TMEM256: variants seen among roughly 807,000 people sequenced by gnomAD.
TMEM256 encodes UPF0451 protein C17orf61.
TMEM256 carries 14 observed loss-of-function variants against 14.8 expected under a neutral mutation model. The ratio of observed to expected loss-of-function variants is 0.95; its 90% CI spans 0.63 to 1.48. The LOEUF is 1.48. Among genes scored for constraint, TMEM256 ranks in the 40% most tolerant of loss-of-function variants. TMEM256 has a pLI of 0.00. For missense variants in TMEM256, 146 were observed against 137.9 expected (o/e 1.06, Z -0.30); for synonymous variants, 68 against 60.7 (o/e 1.12, Z -0.56).
At chr17:7,403,793 C>CCG (rs1906454768) in intron 1 of TMEM256, 104 bp from the exon 2 acceptor site, 7 of 1,061,330 alleles carry the variant, frequency 6.6e-6, no homozygotes, top group Non-Finnish European at 9.1e-6. Context: ...CACCCCCCCC[C>CCG]CCGCCCCAGG....
At position 7,403,648 on chromosome 17, in the gene TMEM256, G is replaced by T. The variant is rs778400776; in HGVS notation, c.117+10C>A. 2 of 1,613,822 alleles carry T rather than the reference G, an allele frequency of 1.2e-6. No homozygotes were observed. The highest frequency in any genetic ancestry group is 2.2e-5 in the South Asian group (2 of 91,080). ...CCACGAGTCAGGGAGCCCCAGCGCA[G>T]TTACTTCACCTCCTTCCCGTAGGCA... On this transcript the variant is annotated intron_variant, in intron 2 of 3. Transcript: ENST00000302422.
In TMEM256 at chr17:7,403,995, CT is replaced by C. The variant is rs1294317617; in HGVS notation, c.85+4del. ...CAGTCCCATCTTCGTCCCCAGCCCC[CT>C]GACCGTGCGCCCCGTAGGAAGCGAA... On this transcript the variant is annotated splice_donor_region_variant and intron_variant, in intron 1 of 3. Coordinates refer to ENST00000302422, the MANE Select transcript of TMEM256 (RefSeq NM_152766.5). 1 of 1,585,410 alleles carries C rather than the reference CT, an allele frequency of 6.3e-7. No individual in the cohort carries two copies. The highest frequency in any genetic ancestry group is 8.6e-7 in the Non-Finnish European group (1 of 1,165,234).
Position 7,404,075 on chromosome 17 carries a change from G to T in TMEM256, c.10C>A (p.Pro4Thr), listed in dbSNP as rs988310853. MAG[P>T]AAAFRRLGAL... ...CCCAAGCGGCGGAAAGCTGCAGCTG[G>T]CCCGGCCATAGCTGTAGAACAGGAC... is the stretch of plus-strand genomic sequence containing the variant. The change falls in exon 1 of 4, where the codon CCA becomes ACA. Residue 4 changes from proline (P) to threonine (T), a missense_variant. Pro to Thr is a conservative substitution (Grantham distance 38). Coordinates refer to ENST00000302422, the MANE Select transcript of TMEM256 (RefSeq NM_152766.5). 3 of 1,591,726 alleles carry T rather than the reference G, an allele frequency of 1.9e-6. No homozygotes were observed. The highest frequency in any genetic ancestry group is 1.3e-5 in the African/African-American group (1 of 74,658).
chr17:7,403,972 G>C (rs772317213), intron 1 of TMEM256, 28 bp downstream of exon 1: 1 of 1,553,096 alleles, frequency 6.4e-7, no homozygotes, highest in Non-Finnish European at 8.7e-7. Context: ...CCCAAGTACA[G>C]TCCCATCTTC....
rs369873678 is a variant in TMEM256, at chr17:7,403,154, T to A, written c.254A>T (p.Gln85Leu). ...TTLFCTSFYY[Q>L]ALSGDPSIQT... is the part of the protein sequence containing the mutation. ...GATGCTGGGGTCTCCACTCAGAGCC[T>A]GGTAGTAAAAGCTGGTGCAGAATAA... The change falls in exon 4 of 4, where the codon CAG (glutamine) becomes CTG (leucine). Residue 85 changes from glutamine to leucine, a missense_variant. By Grantham distance (113) the Gln-to-Leu change is moderately radical. Coordinates refer to ENST00000302422, the MANE Select transcript of TMEM256 (RefSeq NM_152766.5). 58 of 1,614,004 alleles carry A rather than the reference T, an allele frequency of 3.6e-5. No homozygotes were observed. Among genetic ancestry groups the A allele is most frequent in the Non-Finnish European group, 4.5e-5 (53 of 1,180,038 alleles).
intron 1 of TMEM256, 49 bp downstream of exon 1, chr17:7,403,951 C>G: frequency 6.6e-7 from 1 of 1,511,780 alleles, no homozygotes; most frequent in Non-Finnish European, 8.9e-7. Context: ...GCAGCAGACC[C>G]CAGAGGACGC....
Position 7,404,020 on chromosome 17 carries a change from A to G in TMEM256, c.65T>C (p.Phe22Ser). ...CTGACCGTGCGCCCCGTAGGAAGCG[A>G]AGCCTAAGGCCGCAGCTCCGGACAA... Reference protein sequence around the residue: ...GALSGAAALGFASYGAHGAQF... With the variant: ...GALSGAAALGSASYGAHGAQF... Residue 22 changes from phenylalanine (F) to serine (S), a missense_variant, in exon 1 of 4, where the codon TTC (phenylalanine) becomes TCC (serine). Transcript: ENST00000302422. 6.2e-7 allele frequency: 1 copy of G among 1,601,322 alleles called. No individual in the cohort carries two copies. The highest frequency in any genetic ancestry group is 1.3e-5 in the African/African-American group (1 of 74,838).
At position 7,403,915 on chromosome 17, in the gene TMEM256, G is replaced by A. The variant is rs1003828968; in HGVS notation, c.85+85C>T. 10 of 1,416,684 alleles carry A rather than the reference G, an allele frequency of 7.1e-6. No homozygotes were observed. In the African/African-American group the frequency reaches 1.3e-4, roughly 18 times the overall value. 87.8% of individuals were successfully genotyped at this position (1,416,684 alleles called of 1,614,324 possible). ...CGGACTGTCTGATAAACGAGAGGCCGGGCACCTCCCATAGGTTACGCCCTT... is the reference window on the plus strand; with the variant it reads ...CGGACTGTCTGATAAACGAGAGGCCAGGCACCTCCCATAGGTTACGCCCTT... On this transcript the variant is annotated intron_variant, in intron 1 of 3. Transcript: ENST00000302422.
chr17:7,404,056 C>T lies in TMEM256; in HGVS notation c.29G>A (p.Arg10His). The part of the protein sequence containing the change: MAGPAAAFR[R>H]LGALSGAAAL... ...CGCAGCTCCGGACAAGGCGCCCAAG[C>T]GGCGGAAAGCTGCAGCTGGCCCGGC... The change falls in exon 1 of 4, where the codon CGC becomes CAC. Residue 10 changes from arginine (R) to histidine (H), a missense_variant. By Grantham distance (29) the Arg-to-His change is conservative (BLOSUM62 0). Transcript: ENST00000302422. 1.3e-6 allele frequency: 2 copies of T among 1,599,674 alleles called. No homozygotes were observed. Among genetic ancestry groups the T allele is most frequent in the Non-Finnish European group, 1.7e-6 (2 of 1,173,146 alleles).
intron 1 of TMEM256, 101 bp from the exon 2 acceptor site, chr17:7,403,790 C>T (rs1253324890): frequency 7.7e-6 from 8 of 1,034,852 alleles, no homozygotes; most frequent in East Asian, 4.9e-5. Context: ...GGGCACCCCC[C>T]CCCCCGCCCC....
At position 7,404,006 on chromosome 17, in the gene TMEM256, C is replaced by T; in HGVS notation, c.79G>A (p.Ala27Thr). The T allele has an allele frequency of 1.9e-6, 3 of 1,595,306 alleles. No individual in the cohort carries two copies. The highest frequency in any genetic ancestry group is 2.3e-5 in the East Asian group (1 of 44,182). The change falls in exon 1 of 4, where the codon GCG becomes ACG. Residue 27 changes from alanine (A) to threonine (T), a missense_variant. By Grantham distance (58) the Ala-to-Thr change is moderately conservative. Coordinates refer to ENST00000302422, the MANE Select transcript of TMEM256 (RefSeq NM_152766.5). Reference protein sequence around the residue: ...AAALGFASYGAHGAQFPDAYG... With the variant: ...AAALGFASYGTHGAQFPDAYG... ...TCGTCCCCAGCCCCCTGACCGTGCG[C>T]CCCGTAGGAAGCGAAGCCTAAGGCC...
Position 7,403,552 on chromosome 17 carries a change from G to T in TMEM256, c.117+106C>A, listed in dbSNP as rs1906429190. ...AGCCTTTGGCCTTTGCTGCTCCAGA[G>T]ATCCGCGGCTCGCCCCACCCTCTCC... is the stretch of plus-strand genomic sequence containing the variant. On this transcript the variant is annotated intron_variant, in intron 2 of 3. Transcript: ENST00000302422. 7 of 1,551,544 alleles carry T rather than the reference G, an allele frequency of 4.5e-6. No individual in the cohort carries two copies. The East Asian group carries it at 1.4e-4, about 30-fold the overall frequency.
Position 7,403,394 on chromosome 17 carries a change from T to C in TMEM256, c.118-4A>G, listed in dbSNP as rs1305963712. On this transcript the variant is annotated splice_region_variant and splice_polypyrimidine_tract_variant and intron_variant, in intron 2 of 3. Transcript: ENST00000302422. ...GTTTGTTGGCCTTGTCAAACAGCTG[T>C]AAGAAAAACAGAAACGAAGGGATGT... 6.2e-7 allele frequency: 1 copy of C among 1,613,634 alleles called. No homozygotes were observed. Among genetic ancestry groups the C allele is most frequent in the South Asian group, 1.1e-5 (1 of 91,058 alleles).
rs1268753202 is a variant in TMEM256, at chr17:7,404,065, G to A, written c.20C>T (p.Ala7Val). ...GGACAAGGCGCCCAAGCGGCGGAAA[G>A]CTGCAGCTGGCCCGGCCATAGCTGT... The part of the protein sequence containing the change: MAGPAA[A>V]FRRLGALSGA... The change falls in exon 1 of 4, where the codon GCT (alanine) becomes GTT (valine). Residue 7 changes from alanine to valine, a missense_variant. Ala to Val is a moderately conservative substitution (Grantham distance 64). Coordinates refer to ENST00000302422, the MANE Select transcript of TMEM256 (RefSeq NM_152766.5). The A allele has an allele frequency of 1.1e-5, 18 of 1,596,804 alleles. No individual in the cohort carries two copies. The highest frequency in any genetic ancestry group is 5.2e-5 in the Admixed American group (3 of 57,626).
intron 2 of TMEM256, 64 bp downstream of exon 2, chr17:7,403,594 G>A: frequency 1.6e-6 from 2 of 1,225,424 alleles, no homozygotes; most frequent in Non-Finnish European, 2.3e-6. Flanking sequence ...ACTTCCCCCA[G>A]GGACCCCAGA....
chr17:7,404,024 C>T lies in TMEM256; in HGVS notation c.61G>A (p.Gly21Ser). 1 of 1,602,026 alleles carries T rather than the reference C, an allele frequency of 6.2e-7. No individual in the cohort carries two copies. Among genetic ancestry groups the T allele is most frequent in the Non-Finnish European group, 8.5e-7 (1 of 1,174,318 alleles). ...CCGTGCGCCCCGTAGGAAGCGAAGC[C>T]TAAGGCCGCAGCTCCGGACAAGGCG... ...LGALSGAAAL[G>S]FASYGAHGAQ... The change falls in exon 1 of 4, where the codon GGC (glycine) becomes AGC (serine). Residue 21 changes from glycine (G) to serine (S), a missense_variant. By Grantham distance (56) the Gly-to-Ser change is moderately conservative (BLOSUM62 0). Coordinates refer to ENST00000302422, the MANE Select transcript of TMEM256 (RefSeq NM_152766.5).
At position 7,403,638 on chromosome 17, in the gene TMEM256, C is replaced by T; in HGVS notation, c.117+20G>A. 6.2e-7 allele frequency: 1 copy of T among 1,614,026 alleles called. No individual in the cohort carries two copies. The highest frequency in any genetic ancestry group is 1.1e-5 in the South Asian group (1 of 91,078). On this transcript the variant is annotated intron_variant, in intron 2 of 3. Transcript: ENST00000302422. The stretch of plus-strand genomic sequence containing the variant: ...CTTCGTAGACCCACGAGTCAGGGAG[C>T]CCCAGCGCAGTTACTTCACCTCCTT...
intron 1 of TMEM256, 107 bp downstream of exon 1, chr17:7,403,893 A>C: frequency 7.4e-7 from 1 of 1,348,240 alleles, no homozygotes; most frequent in Non-Finnish European, 1.0e-6. Flanking sequence ...GGCTCCGCGG[A>C]CTGTCTGATA....
At position 7,403,111 on chromosome 17, in the gene TMEM256, C is replaced by T. The variant is rs372581186; in HGVS notation, c.297G>A (p.Ala99=). 7 of 1,614,002 alleles carry T rather than the reference C, an allele frequency of 4.3e-6. No individual in the cohort carries two copies. Among genetic ancestry groups the T allele is most frequent in the African/African-American group, 2.7e-5 (2 of 74,920 alleles). The change falls in exon 4 of 4, where the codon GCG becomes GCA. Residue 99 remains alanine (A), a synonymous_variant. Transcript: ENST00000302422. ...GDPSIQTLAP[A]GGTLLLLGWL... ...AGCCCAAGAGTAGCAGGGTCCCTCC[C>T]GCAGGGGCCAAAGTCTGGATGCTGG...
Sources: gnomAD v4.1 joint callset for allele counts on GRCh38, gnomAD v4.1.1 for gene constraint, MANE v1.5 for transcripts, NCBI Gene and HGNC (gene_info 2026-07-23, HGNC 2026-07-21) for gene names.